HEG1: variants seen among roughly 807,000 people sequenced by gnomAD.
HEG1 encodes the protein heart development protein with EGF like domains 1.
HEG1 carries 56 observed loss-of-function variants against 125.6 expected under a neutral mutation model. The ratio of observed to expected loss-of-function variants is 0.45; its 90% CI spans 0.36 to 0.56. The LOEUF (loss-of-function observed/expected upper bound fraction) is 0.56, where lower values mean the gene tolerates loss of function less well. Among genes scored for constraint, HEG1 ranks in the 20% least tolerant of loss-of-function variants. The probability of loss-of-function intolerance (pLI) is 0.00; values close to 1 mark genes in which losing one functional copy is unlikely to be tolerated. For synonymous variants in HEG1, 644 were observed against 668.5 expected, an observed-to-expected ratio of 0.96 and a Z score of 0.57; for missense variants, 1,523 against 1,670.0, an observed-to-expected ratio of 0.91 and a Z score of 1.53.
chr3:124,994,242 G>A (rs967093444), intron 12 of HEG1, among the ~76,000 whole-genome samples: 6 of 152,188 alleles, frequency 3.9e-5, no homozygotes, highest in African/African-American at 9.7e-5. Context: ...TAATGCTGCC[G>A]CTGATGTGAC....
Position 125,029,352 on chromosome 3 carries a change from A to G in HEG1, c.453T>C (p.His151=). 1.2e-6 allele frequency: 2 copies of G among 1,613,972 alleles called. No homozygotes were observed. The highest frequency in any genetic ancestry group is 2.2e-5 in the East Asian group (1 of 44,882). The change falls in exon 2 of 17, where the codon CAT becomes CAC. Residue 151 remains histidine, a synonymous_variant. Transcript: ENST00000311127. ...GVMVQTSGKS[H]AASDAPENLT... The stretch of plus-strand genomic sequence containing the variant: ...GGTTTTCTGGAGCATCCGAAGCAGC[A>G]TGGCTCTTCCCAGAGGTCTGAACCA...
intron 1 of HEG1, among the ~76,000 whole-genome samples, chr3:125,043,739 TC>T (rs1937621013): frequency 6.6e-6 from 1 of 152,154 alleles, no homozygotes; most frequent in Admixed American, 6.5e-5. Flanking sequence ...CTTCCGGGTC[TC>T]CTGTGTTGTC....
intron 3 of HEG1, among the ~76,000 whole-genome samples, chr3:125,026,396 C>A (rs1435909563): frequency 8.5e-5 from 13 of 152,118 alleles, no homozygotes; most frequent in Non-Finnish European, 1.5e-4. Context: ...GTGTACAGCA[C>A]AGAGGACCAG....
intron 1 of HEG1, among the ~76,000 whole-genome samples, chr3:125,030,956 C>T (rs2948781): frequency 0.51 from 78,143 of 151,832 alleles, 20,294 homozygotes; most frequent in Middle Eastern, 0.64. Context: ...ACTTGAACCC[C>T]GTATATTAGG....
chr3:124,973,390 G>T (rs912208323), intron 16 of HEG1, among the ~76,000 whole-genome samples: 4 of 152,152 alleles, frequency 2.6e-5, no homozygotes, highest in Admixed American at 6.5e-5. Context: ...GCAGACAGGA[G>T]ATAAAAATGA....
At chr3:124,987,438 G>A (rs1486375965) in intron 14 of HEG1, among the ~76,000 whole-genome samples, 1 of 151,886 alleles carries the variant, frequency 6.6e-6, no homozygotes, top group Non-Finnish European at 1.5e-5. Context: ...AGGTGGGATT[G>A]CATTCAGATG....
At chr3:124,981,870 C>A (rs1384039844) in intron 14 of HEG1, among the ~76,000 whole-genome samples, 3 of 151,964 alleles carry the variant, frequency 2.0e-5, no homozygotes, top group African/African-American at 7.3e-5. Context: ...ACACACACAC[C>A]CCTCCCTGAA....
At chr3:125,051,960 C>A (rs1002324205) in intron 1 of HEG1, among the ~76,000 whole-genome samples, 4 of 152,176 alleles carry the variant, frequency 2.6e-5, no homozygotes, top group South Asian at 2.1e-4. Flanking sequence ...AACTGCCCAG[C>A]TGGGCAGCAA....
chr3:125,014,669 G>T, intron 5 of HEG1: 1 of 1,200,820 alleles, frequency 8.3e-7, no homozygotes, highest in Non-Finnish European at 1.1e-6. Context: ...ATTAATAGAT[G>T]AGCTGAAGGG....
At chr3:125,029,993 C>T (rs1457469728) in intron 1 of HEG1, among the ~76,000 whole-genome samples, 2 of 152,134 alleles carry the variant, frequency 1.3e-5, no homozygotes, top group African/African-American at 4.8e-5. Flanking sequence ...GATTAAATTT[C>T]ATTGTGCATA....
In HEG1 at chr3:125,020,861, C is replaced by T. The variant is rs770244027; in HGVS notation, c.1183G>A (p.Glu395Lys). Residue 395 changes from glutamate (E) to lysine (K), a missense_variant, in exon 4 of 17, where the codon GAA becomes AAA. Transcript: ENST00000311127. ...SRVTGNPGDE[E>K]FIEPSTENEF... ...TTTTCTGTGGATGGTTCAATGAATT[C>T]CTCATCCCCTGGATTCCCAGTTACT... The T allele has an allele frequency of 6.2e-7, 1 of 1,613,974 alleles. No individual in the cohort carries two copies. Among genetic ancestry groups the T allele is most frequent in the Non-Finnish European group, 8.5e-7 (1 of 1,179,874 alleles).
At chr3:124,971,196 A>C in intron 16 of HEG1, 1 of 458,016 alleles carries the variant, frequency 2.2e-6, no homozygotes, top group South Asian at 1.6e-5. Flanking sequence ...AGTAGCAACA[A>C]AGGTAAATTA....
intron 1 of HEG1, among the ~76,000 whole-genome samples, chr3:125,046,150 G>A (rs995834855): frequency 2.6e-5 from 4 of 151,926 alleles, no homozygotes; most frequent in South Asian, 4.2e-4. Flanking sequence ...AGAGCTCCAC[G>A]GCATCTCTCC....
At position 125,013,739 on chromosome 3, in the gene HEG1, A is replaced by G. The variant is rs1000557112; in HGVS notation, c.1840T>C (p.Tyr614His). 5 of 1,613,936 alleles carry G rather than the reference A, an allele frequency of 3.1e-6. No individual in the cohort carries two copies. The highest frequency in any genetic ancestry group is 3.4e-6 in the Non-Finnish European group (4 of 1,179,906). ...AQTERSNISS[Y>H]DGEYAQPSTE... ...GAAGGCTGAGCATATTCCCCGTCATAGGATGAGATGTTACTTCTCTCAGTC... is the reference window on the plus strand; with the variant it reads ...GAAGGCTGAGCATATTCCCCGTCATGGGATGAGATGTTACTTCTCTCAGTC... Residue 614 changes from tyrosine (Y) to histidine (H), a missense_variant, in exon 6 of 17, where the codon TAT becomes CAT. Physicochemically the swap from Tyr to His is moderately conservative, Grantham distance 83. Transcript: ENST00000311127.
chr3:124,985,242 C>T (rs1936719508), intron 14 of HEG1, among the ~76,000 whole-genome samples: 1 of 152,132 alleles, frequency 6.6e-6, no homozygotes, highest in Non-Finnish European at 1.5e-5. Context: ...GCCTATGCCC[C>T]ACACTTAGTA....
At chr3:125,031,341 C>T (rs1937494540) in intron 1 of HEG1, among the ~76,000 whole-genome samples, 1 of 152,308 alleles carries the variant, frequency 6.6e-6, no homozygotes, top group Admixed American at 6.5e-5. Context: ...GAACACTGTC[C>T]TTTCCCCATA....
chr3:125,020,256 T>C (rs1937315840), intron 4 of HEG1, among the ~76,000 whole-genome samples: 1 of 152,032 alleles, frequency 6.6e-6, no homozygotes, highest in Non-Finnish European at 1.5e-5. Flanking sequence ...CAAGACCCCA[T>C]CTCTACAAAA....
intron 11 of HEG1, among the ~76,000 whole-genome samples, chr3:125,001,508 C>T (rs1317306217): frequency 1.3e-5 from 2 of 152,158 alleles, no homozygotes; most frequent in Admixed American, 1.3e-4. Context: ...AGAGCAGGAA[C>T]TTTTCAGTGG....
intron 3 of HEG1, among the ~76,000 whole-genome samples, chr3:125,024,230 A>C (rs1302108393): frequency 1.3e-5 from 2 of 152,222 alleles, no homozygotes; most frequent in Non-Finnish European, 2.9e-5. Flanking sequence ...GATTCTCAAC[A>C]TTTCTTATAT....
Sources: gnomAD v4.1 joint callset for allele counts (sites outside exome capture counted in the v4.1 genomes callset) on GRCh38, gnomAD v4.1.1 for gene constraint, MANE v1.5 for transcripts, NCBI Gene and HGNC (gene_info 2026-07-23, HGNC 2026-07-21) for gene names.